TMEM260: variants seen among roughly 807,000 people sequenced by gnomAD.
TMEM260 encodes transmembrane protein 260, also known as protein O-mannosyl-transferase TMEM260.
In TMEM260, 82 loss-of-function variants were observed where a neutral mutation model predicts 88.9. That is an observed-to-expected ratio of 0.92 (90% CI 0.77 to 1.11). TMEM260 has a LOEUF of 1.11. TMEM260 is among the 50% of genes least tolerant of loss of function. The probability of loss-of-function intolerance (pLI) is 0.00; values close to 1 mark genes in which losing one functional copy is unlikely to be tolerated. For synonymous variants in TMEM260, 314 were observed against 309.3 expected, an observed-to-expected ratio of 1.02 and a Z score of -0.16; for missense variants, 902 against 853.4, an observed-to-expected ratio of 1.06 and a Z score of -0.71.
intron 14 of TMEM260, among the ~76,000 whole-genome samples, chr14:56,635,331 A>G (rs540252836): frequency 6.6e-6 from 1 of 152,326 alleles, no homozygotes; most frequent in South Asian, 2.1e-4. Flanking sequence ...CTCCATTTGT[A>G]ATGTGCCTGT....
chr14:56,636,719 G>C, intron 15 of TMEM260, 121 bp downstream of exon 15: 1 of 892,028 alleles, frequency 1.1e-6, no homozygotes. Context: ...TCTCAATTTG[G>C]GTGGTATAAA....
intron 15 of TMEM260, 44 bp from the exon 16 acceptor site, chr14:56,647,199 T>C (rs749786220): frequency 6.5e-7 from 1 of 1,527,996 alleles, no homozygotes; most frequent in Admixed American, 2.3e-5. Context: ...AAAAAAAAAG[T>C]CAAAGAATAA....
chr14:56,610,327 G>A (rs537284815), intron 6 of TMEM260, among the ~76,000 whole-genome samples: 20 of 152,114 alleles, frequency 1.3e-4, no homozygotes, highest in Non-Finnish European at 2.6e-4. Flanking sequence ...TGCAAGCTCC[G>A]CCTCCCGGGT....
At chr14:56,586,088 G>A (rs1193288847) in intron 3 of TMEM260, among the ~76,000 whole-genome samples, 176 bp downstream of exon 3, 1 of 152,068 alleles carries the variant, frequency 6.6e-6, no homozygotes, top group Non-Finnish European at 1.5e-5. Context: ...TGATTACACA[G>A]TTGGTTTTGT....
Position 56,625,451 on chromosome 14 carries a change from C to T in TMEM260, c.1468C>T (p.Arg490Trp), listed in dbSNP as rs371601076. 183 of 1,613,624 alleles carry T rather than the reference C, an allele frequency of 1.1e-4. 1 individual carries two copies. The Middle Eastern group carries it at 1.8e-3, about 16-fold the overall frequency. Residue 490 changes from arginine (R) to tryptophan (W), a missense_variant, in exon 12 of 16, where the codon CGG becomes TGG. By Grantham distance (101) the Arg-to-Trp change is moderately radical. Transcript: ENST00000261556. Reference protein sequence around the residue: ...HLPGVNFPGNRWNPVEGILPS... With the variant: ...HLPGVNFPGNWWNPVEGILPS... ...GCCAGGTGTCAACTTTCCTGGGAACCGGTGGAATCCTGTGGAAGGAATATT... is the reference window on the plus strand; with the variant it reads ...GCCAGGTGTCAACTTTCCTGGGAACTGGTGGAATCCTGTGGAAGGAATATT...
chr14:56,662,908 A>T, the TMEM260 span, among the ~76,000 whole-genome samples: 1 of 152,234 alleles, frequency 6.6e-6, no homozygotes, highest in Non-Finnish European at 1.5e-5. Flanking sequence ...CGGGCGGATC[A>T]GCTGAGGTTG....
At chr14:56,654,686 A>G (rs1594913674), downstream of TMEM260, among the ~76,000 whole-genome samples, 2 of 151,860 alleles carry the variant, frequency 1.3e-5, no homozygotes, top group Admixed American at 1.3e-4. Context: ...TTGTGGCACA[A>G]ATCTGTAATC....
chr14:56,647,846 C>A lies in TMEM260; in HGVS notation c.*349C>A. On this transcript the variant is annotated 3_prime_UTR_variant, in exon 16 of 16. Coordinates refer to ENST00000261556, the MANE Select transcript of TMEM260 (RefSeq NM_017799.4). ...TATTGGTCATGAACTGTGTAAGGGC[C>A]ATGCTTATTGGGATCAGTTTTAAAG... 5.4e-6 allele frequency: 1 copy of A among 185,320 alleles called. No homozygotes were observed. Among genetic ancestry groups the A allele is most frequent in the Non-Finnish European group, 1.1e-5 (1 of 88,536 alleles). The allele number at this position is 185,320 out of a possible 1,614,324, so 11.5% of individuals were successfully genotyped here.
intron 3 of TMEM260, among the ~76,000 whole-genome samples, chr14:56,591,165 C>G (rs1885832297): frequency 3.3e-5 from 5 of 152,152 alleles, no homozygotes; most frequent in Admixed American, 3.3e-4. Context: ...GATTTTGCCA[C>G]TGGAACTAGT....
chr14:56,584,630 G>A lies in TMEM260; in HGVS notation c.161-371G>A, dbSNP rs17091747. On this transcript the variant is annotated intron_variant, in intron 1 of 15. Coordinates refer to ENST00000261556, the MANE Select transcript of TMEM260 (RefSeq NM_017799.4). ...TCTGCGCATTTTACCTTACTATAAG[G>A]TTGTATCTTTATAGACTTTCGTGCT... Among the ~76,000 whole-genome samples the A allele has an allele frequency of 8.5e-3, 1,286 of 152,150 alleles. 35 individuals are homozygous for A. The highest frequency in any genetic ancestry group is 0.084 in the East Asian group (436 of 5,180).
intron 12 of TMEM260, among the ~76,000 whole-genome samples, chr14:56,626,112 T>C (rs1225957303): frequency 1.3e-5 from 2 of 152,210 alleles, no homozygotes; most frequent in Non-Finnish European, 2.9e-5. Context: ...CATGAAGTGC[T>C]TGAGATTGTC....
Position 56,605,556 on chromosome 14 carries a change from T to A in TMEM260, c.523-14T>A, listed in dbSNP as rs564477201. The A allele has an allele frequency of 1.1e-4, 154 of 1,426,546 alleles. No individual in the cohort carries two copies. Among genetic ancestry groups the A allele is most frequent in the Middle Eastern group, 4.2e-4 (2 of 4,764 alleles). The allele number at this position is 1,426,546 out of a possible 1,614,324, so 88.4% of individuals were successfully genotyped here. ...GAATTTTTTACTTAATTTTTTTTTT[T>A]AATTTATTTTCAGGTAGCTAAAATT... On this transcript the variant is annotated splice_polypyrimidine_tract_variant and intron_variant, in intron 4 of 15. Transcript: ENST00000261556.
intron 13 of TMEM260, 57 bp from the exon 14 acceptor site, chr14:56,634,842 C>CG: frequency 1.5e-6 from 2 of 1,334,794 alleles, no homozygotes; most frequent in Admixed American, 2.1e-5. Flanking sequence ...AATTCTGTCT[C>CG]AAAAAAAAAA....
At chr14:56,614,434 C>T (rs1887481256) in intron 7 of TMEM260, among the ~76,000 whole-genome samples, 1 of 152,064 alleles carries the variant, frequency 6.6e-6, no homozygotes, top group African/African-American at 2.4e-5. Flanking sequence ...TCTGAGCTTT[C>T]ATTTTATTCT....
chr14:56,617,626 G>A (rs903003025), intron 9 of TMEM260, among the ~76,000 whole-genome samples: 5 of 152,126 alleles, frequency 3.3e-5, no homozygotes, highest in Admixed American at 3.3e-4. Context: ...AATTGTAATT[G>A]AGGGCACTTA....
Position 56,585,788 on chromosome 14 carries a change from T to G in TMEM260, c.220T>G (p.Phe74Val), listed in dbSNP as rs768110235. Residue 74 changes from phenylalanine (F) to valine (V), a missense_variant, in exon 3 of 16, where the codon TTC (phenylalanine) becomes GTC (valine). Physicochemically the swap from Phe to Val is conservative, Grantham distance 50 (BLOSUM62 -1). Coordinates refer to ENST00000261556, the MANE Select transcript of TMEM260 (RefSeq NM_017799.4). ...GVAHPPGYPL[F>V]TLVAKLAITL... ...TGCCCATCCTCCTGGCTATCCTTTG[T>G]TCACGCTGGTGGCTAAACTGGCAAT... 6 of 1,613,338 alleles carry G rather than the reference T, an allele frequency of 3.7e-6. No individual in the cohort carries two copies. The Admixed American group carries it at 8.3e-5, about 22-fold the overall frequency.
chr14:56,626,983 AT>A (rs1182771713), intron 12 of TMEM260, among the ~76,000 whole-genome samples: 8 of 152,076 alleles, frequency 5.3e-5, no homozygotes, highest in Non-Finnish European at 2.9e-5. Context: ...TTTCTGTCCA[AT>A]TTTTTTAACC....
chr14:56,593,967 G>A (rs551241217), intron 3 of TMEM260, among the ~76,000 whole-genome samples: 196 of 152,040 alleles, frequency 1.3e-3, no homozygotes, highest in Non-Finnish European at 8.4e-4. Flanking sequence ...TATTACAGGC[G>A]TGAGCCACCG....
intron 7 of TMEM260, among the ~76,000 whole-genome samples, chr14:56,614,583 T>C (rs566096141): frequency 3.9e-4 from 59 of 152,330 alleles, no homozygotes; most frequent in African/African-American, 1.2e-3. Flanking sequence ...AGAGTAATCC[T>C]AGACCATATG....
Sources: gnomAD v4.1 joint callset for allele counts (sites outside exome capture counted in the v4.1 genomes callset) on GRCh38, gnomAD v4.1.1 for gene constraint, MANE v1.5 for transcripts, NCBI Gene and HGNC (gene_info 2026-07-23, HGNC 2026-07-21) for gene names.